LAMC2: variants seen among roughly 807,000 people sequenced by gnomAD.
The protein encoded by LAMC2 is laminin subunit gamma 2.
A neutral mutation model predicts 140.2 loss-of-function variants in LAMC2; 97 were observed. The observed-to-expected ratio is 0.69, with a 90% CI of 0.59 to 0.82. The LOEUF (loss-of-function observed/expected upper bound fraction) is 0.82, where lower values mean the gene tolerates loss of function less well. LAMC2 is among the 40% of genes least tolerant of loss of function. The probability of loss-of-function intolerance (pLI) is 0.00; values close to 1 mark genes in which losing one functional copy is unlikely to be tolerated. For synonymous variants in LAMC2, 513 were observed against 540.2 expected, an observed-to-expected ratio of 0.95 and a Z score of 0.70; for missense variants, 1,402 against 1,476.1, an observed-to-expected ratio of 0.95 and a Z score of 0.82.
In LAMC2 at chr1:183,186,448, A is replaced by G. The variant is rs747427174; in HGVS notation, c.79+17A>G. The G allele has an allele frequency of 1.2e-6, 2 of 1,601,320 alleles. No individual in the cohort carries two copies. Among genetic ancestry groups the G allele is most frequent in the African/African-American group, 1.3e-5 (1 of 74,884 alleles). The stretch of plus-strand genomic sequence containing the variant: ...GGAGGGAAGGTGAGTCGGCTTCCAC[A>G]AGGAAACATCTCAGCCCTGGGCTGA... On this transcript the variant is annotated intron_variant, in intron 1 of 22. Coordinates refer to ENST00000264144, the MANE Select transcript of LAMC2 (RefSeq NM_005562.3).
chr1:183,231,173 T>C, intron 12 of LAMC2, 70 bp downstream of exon 12: 1 of 1,576,604 alleles, frequency 6.3e-7, no homozygotes. Context: ...TGGGTGGTTC[T>C]GTCACAGATC....
At chr1:183,216,194 A>T (rs1350543434) in intron 3 of LAMC2, among the ~76,000 whole-genome samples, 1 of 152,166 alleles carries the variant, frequency 6.6e-6, no homozygotes, top group African/African-American at 2.4e-5. Context: ...CCCATTGCCC[A>T]CTTTGCTGGC....
At chr1:183,240,270 G>A (rs750454650) in intron 21 of LAMC2, 22 bp from the exon 22 acceptor site, 84 of 1,614,086 alleles carry the variant, frequency 5.2e-5, no homozygotes, top group Non-Finnish European at 6.6e-5. Context: ...TTCAAGGCTG[G>A]TTTGTGCTTA....
rs745949305 is a variant in LAMC2, at chr1:183,237,522, C to T, written c.2754+18C>T. 7 of 1,601,336 alleles carry T rather than the reference C, an allele frequency of 4.4e-6. No individual in the cohort carries two copies. The highest frequency in any genetic ancestry group is 6.0e-6 in the Non-Finnish European group (7 of 1,169,256). On this transcript the variant is annotated intron_variant, in intron 18 of 22. Coordinates refer to ENST00000264144, the MANE Select transcript of LAMC2 (RefSeq NM_005562.3). ...GGAGAGAGGTATTCTTTTGTTAATT[C>T]ATTCACTCAATAAAGATGTATTGAA...
Position 183,240,176 on chromosome 1 carries a change from C to A in LAMC2, c.3206C>A (p.Thr1069Lys), listed in dbSNP as rs139043074. ...GAAAGGAAGGAGCTGGAGTTTGACA[C>A]GAATATGGATGCAGTACAGATGGTG... ...ELERKELEFD[T>K]NMDAVQMVIT... Residue 1069 changes from threonine to lysine, a missense_variant, in exon 21 of 23, where the codon ACG (threonine) becomes AAG (lysine). Transcript: ENST00000264144. 6.2e-7 allele frequency: 1 copy of A among 1,614,172 alleles called. No individual in the cohort carries two copies. The highest frequency in any genetic ancestry group is 8.5e-7 in the Non-Finnish European group (1 of 1,180,026).
At chr1:183,186,581 T>C (rs79122995) in intron 1 of LAMC2, 150 bp downstream of exon 1, 1 of 184,872 alleles carries the variant, frequency 5.4e-6, no homozygotes, top group Admixed American at 1.6e-4. Context: ...CTGGGGCTCC[T>C]CCAGAGACGG....
At chr1:183,258,723 CCCTG>C in the LAMC2 span, among the ~76,000 whole-genome samples, 1 of 152,056 alleles carries the variant, frequency 6.6e-6, no homozygotes, top group African/African-American at 2.4e-5. Flanking sequence ...ATTTTGTAGA[CCCTG>C]CACTTGATGG....
intron 1 of LAMC2, among the ~76,000 whole-genome samples, chr1:183,189,959 A>G (rs1297894355): frequency 6.6e-6 from 1 of 152,242 alleles, no homozygotes; most frequent in Non-Finnish European, 1.5e-5. Context: ...TGCTGTGGAT[A>G]GTAGGAAGGA....
chr1:183,220,948 T>A lies in LAMC2; in HGVS notation c.627T>A (p.Ser209=). 1 of 1,614,212 alleles carries A rather than the reference T, an allele frequency of 6.2e-7. No homozygotes were observed. The highest frequency in any genetic ancestry group is 8.5e-7 in the Non-Finnish European group (1 of 1,180,006). The part of the protein sequence containing the change: ...SAEYSVHKIT[S]TFHQDVDGWK... Reference sequence around the variant, plus strand: ...AATACAGTGTCCATAAGATCACCTCTACCTTTCATCAAGGTAAAGCCTTCT... The same window carrying A: ...AATACAGTGTCCATAAGATCACCTCAACCTTTCATCAAGGTAAAGCCTTCT... Residue 209 remains serine, a synonymous_variant, in exon 5 of 23, where the codon TCT becomes TCA. Coordinates refer to ENST00000264144, the MANE Select transcript of LAMC2 (RefSeq NM_005562.3).
chr1:183,255,708 G>C, the LAMC2 span, among the ~76,000 whole-genome samples: 3 of 148,034 alleles, frequency 2.0e-5, no homozygotes, highest in African/African-American at 7.5e-5. Context: ...CTGTCACCCA[G>C]GCAGGCATGC....
chr1:183,186,619 T>C (rs1420283505), intron 1 of LAMC2, among the ~76,000 whole-genome samples, 188 bp downstream of exon 1: 1 of 152,198 alleles, frequency 6.6e-6, no homozygotes. Context: ...TATATAAAGC[T>C]ATCTGCTTTT....
intron 2 of LAMC2, among the ~76,000 whole-genome samples, chr1:183,210,416 G>A (rs1314379402): frequency 3.9e-5 from 6 of 152,126 alleles, no homozygotes; most frequent in South Asian, 2.1e-4. Context: ...AGCACATGGC[G>A]GGCAACTCAG....
chr1:183,212,532 A>G (rs537960294), intron 2 of LAMC2, among the ~76,000 whole-genome samples: 7 of 151,714 alleles, frequency 4.6e-5, no homozygotes, highest in Non-Finnish European at 1.0e-4. Flanking sequence ...TCCCTCTCCA[A>G]TCATCCTCTC....
At chr1:183,235,537 C>A (rs146868636) in intron 15 of LAMC2, 38 bp from the exon 16 acceptor site, 1 of 1,612,418 alleles carries the variant, frequency 6.2e-7, no homozygotes, top group Non-Finnish European at 8.5e-7. Context: ...AAGCCCTTTG[C>A]GTGAAAACTC....
chr1:183,215,608 C>T lies in LAMC2; in HGVS notation c.404+20C>T, dbSNP rs1012582045. ...ACTGCTGTGAGTATTTGCATCCCAC[C>T]ATGGCTGTCACTAACTCAGTGATGA... On this transcript the variant is annotated intron_variant, in intron 3 of 22. Transcript: ENST00000264144. The T allele has an allele frequency of 3.7e-6, 6 of 1,613,888 alleles. No individual in the cohort carries two copies. The Admixed American group carries it at 5.0e-5, about 13-fold the overall frequency.
chr1:183,230,182 A>G (rs1379723386), intron 11 of LAMC2, among the ~76,000 whole-genome samples: 2 of 152,200 alleles, frequency 1.3e-5, no homozygotes, highest in Non-Finnish European at 2.9e-5. Context: ...ACCATCCTTT[A>G]TCAAGCACAT....
the LAMC2 span, among the ~76,000 whole-genome samples, chr1:183,253,537 TG>T: frequency 6.6e-6 from 1 of 152,146 alleles, no homozygotes; most frequent in African/African-American, 2.4e-5. Context: ...TCAACTTGTT[TG>T]TCCTACATAT....
intron 1 of LAMC2, among the ~76,000 whole-genome samples, chr1:183,204,607 G>A (rs888854579): frequency 6.6e-6 from 1 of 151,856 alleles, no homozygotes; most frequent in Non-Finnish European, 1.5e-5. Flanking sequence ...ACTCCAGCCT[G>A]GACAACAGAG....
intron 11 of LAMC2, among the ~76,000 whole-genome samples, chr1:183,229,989 A>G (rs891796740): frequency 2.0e-5 from 3 of 152,206 alleles, no homozygotes; most frequent in African/African-American, 7.2e-5. Context: ...TAATCCCTCT[A>G]AGCCTCAGTT....
Sources: gnomAD v4.1 joint callset for allele counts (sites outside exome capture counted in the v4.1 genomes callset) on GRCh38, gnomAD v4.1.1 for gene constraint, MANE v1.5 for transcripts, NCBI Gene and HGNC (gene_info 2026-07-23, HGNC 2026-07-21) for gene names.